Variants in ZNF7 observed in about 807,000 individuals in gnomAD.
The protein encoded by ZNF7 is zinc finger protein 7.
ZNF7 carries 10 observed loss-of-function variants against 12.0 expected under a neutral mutation model. The ratio of observed to expected loss-of-function variants is 0.83; its 90% confidence interval spans 0.51 to 1.42. The LOEUF (loss-of-function observed/expected upper bound fraction) is 1.42, where lower values mean the gene tolerates loss of function less well. Among genes scored for constraint, ZNF7 ranks in the 40% most tolerant of loss-of-function variants. The pLI is 0.00. For missense variants in ZNF7, 854 were observed against 837.2 expected (o/e 1.02, Z -0.25); for synonymous variants, 334 against 295.0 (o/e 1.13, Z -1.35).
chr8:144,841,969 C>T lies in ZNF7; in HGVS notation c.862C>T (p.Arg288Cys), dbSNP rs138843934. 615 of 1,613,936 alleles carry T rather than the reference C, an allele frequency of 3.8e-4. No homozygotes were observed. Among genetic ancestry groups the T allele is most frequent in the Non-Finnish European group, 4.7e-4 (556 of 1,179,986 alleles). Residue 288 changes from arginine (R) to cysteine (C), a missense_variant, in exon 5 of 5, where the codon CGC (arginine) becomes TGC (cysteine). Transcript: ENST00000532777. ...ATGCACTGAGTGTGGAAAAGCCTTC[C>T]GCCTGAGCTCAAAACTTATTCAGCA... ...FKCTECGKAF[R>C]LSSKLIQHQR...
At position 144,834,170 on chromosome 8, in the gene ZNF7, T is replaced by C. The variant is rs1828744565; in HGVS notation, c.131-3221T>C. ...CTGTTTTCTGTCAATGTAAAAGTTTTGATTTTTTTGCTTTGTGAATGTATT... is the reference window on the plus strand; with the variant it reads ...CTGTTTTCTGTCAATGTAAAAGTTTCGATTTTTTTGCTTTGTGAATGTATT... On this transcript the variant is annotated intron_variant, in intron 3 of 4. Transcript: ENST00000532777. The C allele has an allele frequency of 2.6e-5, 4 of 152,256 alleles. No homozygotes were observed. The South Asian group carries it at 8.3e-4, about 32-fold the overall frequency. 9.4% of individuals were successfully genotyped at this position (152,256 alleles called of 1,614,324 possible). A position where few individuals can be genotyped will look rare whatever the true frequency, so the allele number is the denominator to read the frequency against.
chr8:144,830,677 G>A (rs1345328172), intron 3 of ZNF7, among the ~76,000 whole-genome samples: 1 of 150,864 alleles, frequency 6.6e-6, no homozygotes, highest in African/African-American at 2.4e-5. Flanking sequence ...TCATTTAGAT[G>A]TGGTTTACCC....
At position 144,843,051 on chromosome 8, in the gene ZNF7, CCTAATTATA is replaced by C; in HGVS notation, c.1946_1954del (p.Leu649_Ile651del). ...AGAAGATATTTAGGTGGCGTTCACACCTAATTATACACCAGAGAATTCACACCGGGGAGA... is the reference window on the plus strand; with the variant it reads ...AGAAGATATTTAGGTGGCGTTCACACCACCAGAGAATTCACACCGGGGAGA... On this transcript the variant is annotated inframe_deletion, in exon 5 of 5. Coordinates refer to ENST00000532777, the MANE Select transcript of ZNF7 (RefSeq NM_003416.4). 1.2e-6 allele frequency: 2 copies of C among 1,614,106 alleles called. No homozygotes were observed. Among genetic ancestry groups the C allele is most frequent in the Non-Finnish European group, 1.7e-6 (2 of 1,180,020 alleles).
At chr8:144,839,261 C>T (rs190627835) in intron 4 of ZNF7, among the ~76,000 whole-genome samples, 1 of 152,240 alleles carries the variant, frequency 6.6e-6, no homozygotes, top group African/African-American at 2.4e-5. Context: ...CTTCAAAGGA[C>T]AAGGAGGGTT....
At chr8:144,836,386 T>G (rs1226338774) in intron 3 of ZNF7, 1 of 152,276 alleles carries the variant, frequency 6.6e-6, no homozygotes, top group Non-Finnish European at 1.5e-5. Flanking sequence ...CTATAAATTC[T>G]GACTCATAAT....
chr8:144,828,786 C>T (rs1268999344), intron 1 of ZNF7: 3 of 539,120 alleles, frequency 5.6e-6, no homozygotes, highest in Non-Finnish European at 1.0e-5. Context: ...TACTCAGTGC[C>T]TGGCACGTGG....
rs141686964 is a variant in ZNF7, at chr8:144,837,804, T to G, written c.247+297T>G. On this transcript the variant is annotated intron_variant, in intron 4 of 4. Coordinates refer to ENST00000532777, the MANE Select transcript of ZNF7 (RefSeq NM_003416.4). ...TCTATTTTTAATTTTACTCATACTT[T>G]CGTTAAGCAAAGATACAAACCTATG... 2.0e-3 allele frequency among the ~76,000 whole-genome samples: 308 copies of G among 152,282 alleles called. 2 individuals carry two copies. The highest frequency in any genetic ancestry group is 7.0e-3 in the African/African-American group (290 of 41,554).
rs1038687811 is a variant in ZNF7, at chr8:144,827,566, G to C, written c.-89G>C. 1 of 985,682 alleles carries C rather than the reference G, an allele frequency of 1.0e-6. No individual in the cohort carries two copies. The highest frequency in any genetic ancestry group is 1.7e-5 in the African/African-American group (1 of 57,258). The allele number at this position is 985,682 out of a possible 1,614,324, so 61.1% of individuals were successfully genotyped here. A position where few individuals can be genotyped will look rare whatever the true frequency, so the allele number is the denominator to read the frequency against. ...ACGCGGGTGGCCAAGGCCCGTTTCCGGCGGCGTCGCGCGTTTGCGAGCCTC... is the reference window on the plus strand; with the variant it reads ...ACGCGGGTGGCCAAGGCCCGTTTCCCGCGGCGTCGCGCGTTTGCGAGCCTC... On this transcript the variant is annotated 5_prime_UTR_variant, in exon 1 of 5. Coordinates refer to ENST00000532777, the MANE Select transcript of ZNF7 (RefSeq NM_003416.4).
chr8:144,839,760 G>A (rs1829615002), intron 4 of ZNF7, among the ~76,000 whole-genome samples: 1 of 152,190 alleles, frequency 6.6e-6, no homozygotes, highest in Non-Finnish European at 1.5e-5. Flanking sequence ...CTTGTCCCCA[G>A]CTGGTACAGT....
intron 1 of ZNF7, chr8:144,827,849 A>C (rs1413197685): frequency 4.1e-6 from 1 of 241,224 alleles, no homozygotes; most frequent in Non-Finnish European, 6.7e-6. Context: ...AGCTCCCCGC[A>C]GACCCCGCTC....
At chr8:144,836,727 G>A (rs1829039115) in intron 3 of ZNF7, 1 of 152,354 alleles carries the variant, frequency 6.6e-6, no homozygotes, top group Non-Finnish European at 1.5e-5. Flanking sequence ...TCTAAACAGA[G>A]GCCTTGGCTG....
Position 144,841,679 on chromosome 8 carries a change from C to T in ZNF7, c.572C>T (p.Ala191Val), listed in dbSNP as rs762537877. 92 of 1,614,002 alleles carry T rather than the reference C, an allele frequency of 5.7e-5. No homozygotes were observed. Among genetic ancestry groups the T allele is most frequent in the South Asian group, 2.0e-4 (18 of 91,082 alleles). ...CQPLESQGES[A>V]EGMSQRCEEC... ...CCTCTTGAAAGTCAGGGAGAGAGTG[C>T]GGAAGGGATGTCCCAGAGATGCGAG... is the stretch of plus-strand genomic sequence containing the variant. Residue 191 changes from alanine to valine, a missense_variant, in exon 5 of 5, where the codon GCG (alanine) becomes GTG (valine). Physicochemically the swap from Ala to Val is moderately conservative, Grantham distance 64. Transcript: ENST00000532777.
intron 4 of ZNF7, among the ~76,000 whole-genome samples, chr8:144,839,977 C>T (rs1028622355): frequency 2.6e-5 from 4 of 152,158 alleles, no homozygotes; most frequent in Non-Finnish European, 5.9e-5. Flanking sequence ...CTTTGTTGCC[C>T]AGGCTGGAGT....
chr8:144,844,558 A>G (rs1830385369), downstream of ZNF7, among the ~76,000 whole-genome samples: 2 of 152,004 alleles, frequency 1.3e-5, no homozygotes, highest in South Asian at 2.1e-4. Context: ...AAAATACAAA[A>G]AATTAGCCGG....
chr8:144,842,172 TCA>T lies in ZNF7; in HGVS notation c.1069_1070del (p.Thr357TrpfsTer57). ...QSQLVRHQRTHTGERPYPCKE... is the reference protein window; with the variant it reads ...QSQLVRHQRTXTGERPYPCKE... ...CGCAGCTGGTTAGACACCAGAGAAC[TCA>T]CACTGGGGAGAGGCCCTACCCTTGC... is the stretch of plus-strand genomic sequence containing the variant. On this transcript the variant is annotated frameshift_variant, in exon 5 of 5. Transcript: ENST00000532777. LOFTEE classifies it low-confidence loss of function (END_TRUNC). The T allele has an allele frequency of 6.2e-6, 10 of 1,613,564 alleles. No homozygotes were observed. Among genetic ancestry groups the T allele is most frequent in the Non-Finnish European group, 8.5e-6 (10 of 1,179,836 alleles).
chr8:144,829,745 G>A, intron 3 of ZNF7, 141 bp downstream of exon 3: 3 of 1,142,184 alleles, frequency 2.6e-6, no homozygotes, highest in Non-Finnish European at 3.5e-6. Flanking sequence ...CATGAGTGGT[G>A]TGCCAGGCTG....
rs777572087 is a variant in ZNF7, at chr8:144,841,560, CTGTT to C, written c.456_459del (p.Cys152Ter). The C allele has an allele frequency of 1.2e-6, 2 of 1,614,076 alleles. No homozygotes were observed. Among genetic ancestry groups the C allele is most frequent in the Non-Finnish European group, 1.7e-6 (2 of 1,180,026 alleles). ...TGACAGGCTTTACCTTCCAAAATAA[CTGTT>C]TGAATGAGGAGACTGTGGTTCCCAA... On this transcript the variant is annotated frameshift_variant, in exon 5 of 5. Coordinates refer to ENST00000532777, the MANE Select transcript of ZNF7 (RefSeq NM_003416.4). LOFTEE classifies it low-confidence loss of function (END_TRUNC).
downstream of ZNF7, among the ~76,000 whole-genome samples, chr8:144,844,722 A>C (rs143091947): frequency 8.5e-5 from 5 of 58,804 alleles, no homozygotes; most frequent in South Asian, 2.8e-3. Context: ...AAAAAAAAAA[A>C]AAAAAAAAAA....
At chr8:144,833,139 A>G (rs1033090524) in intron 3 of ZNF7, among the ~76,000 whole-genome samples, 1 of 147,178 alleles carries the variant, frequency 6.8e-6, no homozygotes, top group Non-Finnish European at 1.5e-5. Context: ...TTGAGGTTGC[A>G]GTGAGCTGAG....
Sources: allele counts gnomAD v4.1 joint callset (sites outside exome capture counted in the v4.1 genomes callset), GRCh38; gene constraint gnomAD v4.1.1; transcripts MANE v1.5; gene names NCBI Gene and HGNC (gene_info 2026-07-23, HGNC 2026-07-21).